Variants in GSDME observed in about 807,000 individuals in gnomAD.
The protein encoded by GSDME is gasdermin E.
GSDME carries 44 observed loss-of-function variants against 47.5 expected under a neutral mutation model. The observed-to-expected ratio is 0.93, with a 90% CI of 0.73 to 1.19. The LOEUF (loss-of-function observed/expected upper bound fraction) is 1.19. Ranked by LOEUF, GSDME falls within the 50% of genes most tolerant of loss-of-function variation. GSDME has a pLI of 0.00. For missense variants in GSDME, 663 were observed against 604.2 expected (o/e 1.10, Z -1.02); for synonymous variants, 258 against 252.8 (o/e 1.02, Z -0.20).
intron 3 of GSDME, among the ~76,000 whole-genome samples, chr7:24,719,700 C>A (rs1001371117): frequency 6.6e-6 from 1 of 151,716 alleles, no homozygotes; most frequent in African/African-American, 2.4e-5. Context: ...GGCTGAGGCA[C>A]GAGAATCGCT....
At chr7:24,782,279 A>G in the GSDME span, among the ~76,000 whole-genome samples, 5 of 133,450 alleles carry the variant, frequency 3.7e-5, no homozygotes, top group Non-Finnish European at 1.5e-5. Context: ...AAGTGTTCTC[A>G]TTGTTCAATT....
At chr7:24,706,041 T>C in intron 8 of GSDME, 143 bp downstream of exon 8, 1 of 1,063,006 alleles carries the variant, frequency 9.4e-7, no homozygotes, top group Non-Finnish European at 1.4e-6. Flanking sequence ...CTCCCACCTC[T>C]TACCCTCCCT....
chr7:24,731,596 G>A (rs1790147503), intron 3 of GSDME, among the ~76,000 whole-genome samples: 1 of 152,258 alleles, frequency 6.6e-6, no homozygotes, highest in South Asian at 2.1e-4. Context: ...GGGAGCTCTG[G>A]CGCTTGCCAG....
At chr7:24,789,230 G>C in the GSDME span, among the ~76,000 whole-genome samples, 11 of 152,146 alleles carry the variant, frequency 7.2e-5, no homozygotes, top group Non-Finnish European at 1.0e-4. Context: ...ATGTTGGTTT[G>C]AGTAGTAAGC....
At position 24,717,306 on chromosome 7, in the gene GSDME, G is replaced by A. The variant is rs752176384; in HGVS notation, c.645C>T (p.Thr215=). 2 of 1,614,134 alleles carry A rather than the reference G, an allele frequency of 1.2e-6. No individual in the cohort carries two copies. Among genetic ancestry groups the A allele is most frequent in the South Asian group, 1.1e-5 (1 of 91,080 alleles). ...ACTCAATGACACCGTAGGCAATGGT[G>A]GTGGCAGCTGGGATCTCCAGCACCA... The part of the protein sequence containing the change: ...SNVVLEIPAA[T]TIAYGVIELY... Residue 215 remains threonine (T), a synonymous_variant, in exon 5 of 10, where the codon ACC becomes ACT. Transcript: ENST00000645220.
chr7:24,737,216 G>GT (rs1341098611), intron 3 of GSDME, among the ~76,000 whole-genome samples: 1 of 151,796 alleles, frequency 6.6e-6, no homozygotes, highest in East Asian at 1.9e-4. Context: ...ACAAAAGTTT[G>GT]TTTTTTTAAA....
At chr7:24,717,419 C>T (rs567122222) in intron 4 of GSDME, 45 bp from the exon 5 acceptor site, 11 of 1,613,722 alleles carry the variant, frequency 6.8e-6, no homozygotes, top group Non-Finnish European at 9.3e-6. Context: ...TCGGGCTCTC[C>T]AAGCTGCTCT....
At chr7:24,775,490 C>A in the GSDME span, among the ~76,000 whole-genome samples, 10 of 152,318 alleles carry the variant, frequency 6.6e-5, no homozygotes, top group African/African-American at 1.9e-4. Context: ...TTTGATGATC[C>A]TTCAAGCTTG....
intron 2 of GSDME, among the ~76,000 whole-genome samples, chr7:24,746,150 C>A (rs1187320408): frequency 1.3e-5 from 2 of 152,204 alleles, no homozygotes; most frequent in African/African-American, 4.8e-5. Flanking sequence ...CATTCAATCA[C>A]CTTTGAAATT....
At chr7:24,786,085 A>G in the GSDME span, among the ~76,000 whole-genome samples, 1 of 152,292 alleles carries the variant, frequency 6.6e-6, no homozygotes, top group Middle Eastern at 3.4e-3. This position sits in a 1 kb window ranked among gnomAD's most constrained non-coding sequence, Gnocchi z 5.5. Context: ...GACCATTTCT[A>G]CTTATTCTGG....
In GSDME at chr7:24,718,117, T is replaced by TGGCAGGAGCACCAGCAGGGCC. The variant is rs1415293658; in HGVS notation, c.577-764_577-744dup. 2.0e-5 allele frequency among the ~76,000 whole-genome samples: 3 copies of TGGCAGGAGCACCAGCAGGGCC among 152,392 alleles called. No individual in the cohort carries two copies. The East Asian group carries it at 5.8e-4, about 29-fold the overall frequency. Reference sequence around the variant, plus strand: ...TCAACACTTTGGCAGGAAGTGACTGTGGCAGGAGCACCAGCAGGGCCGGCC... The same window carrying TGGCAGGAGCACCAGCAGGGCC: ...TCAACACTTTGGCAGGAAGTGACTGTGGCAGGAGCACCAGCAGGGCCGGCAGGAGCACCAGCAGGGCCGGCC... On this transcript the variant is annotated intron_variant, in intron 4 of 9. Transcript: ENST00000645220.
chr7:24,737,307 A>G (rs1790341012), intron 3 of GSDME, among the ~76,000 whole-genome samples: 1 of 152,008 alleles, frequency 6.6e-6, no homozygotes, highest in Non-Finnish European at 1.5e-5. Flanking sequence ...GAAATGAGAA[A>G]AGAGACATTA....
rs1241064899 is a variant in GSDME, at chr7:24,716,619, TC to T, written c.697+634del. 1 of 156,862 alleles carries T rather than the reference TC, an allele frequency of 6.4e-6. No homozygotes were observed. Among genetic ancestry groups the T allele is most frequent in the Non-Finnish European group, 1.4e-5 (1 of 70,736 alleles). The allele number at this position is 156,862 out of a possible 1,614,324, so 9.7% of individuals were successfully genotyped here. A position where few individuals can be genotyped will look rare whatever the true frequency, so the allele number is the denominator to read the frequency against. ...CGCTGAACCAAAGCTTGGATTTTCT[TC>T]CGTGACAACAGCTGGGTCTCTGCGC... On this transcript the variant is annotated intron_variant, in intron 5 of 9. Transcript: ENST00000645220. This position sits in a 1 kb window ranked among gnomAD's most constrained non-coding sequence, Gnocchi z 4.5.
intron 1 of GSDME, among the ~76,000 whole-genome samples, chr7:24,751,955 A>T (rs766694519): frequency 1.3e-5 from 2 of 152,236 alleles, no homozygotes; most frequent in Non-Finnish European, 2.9e-5. Context: ...GAACCAAGAA[A>T]AAGGCATCTA....
chr7:24,743,286 T>C (rs926381767), intron 3 of GSDME, among the ~76,000 whole-genome samples: 1 of 152,220 alleles, frequency 6.6e-6, no homozygotes, highest in African/African-American at 2.4e-5. Flanking sequence ...ATCTTTAAAA[T>C]GTTGCAAAAG....
upstream of GSDME, among the ~76,000 whole-genome samples, chr7:24,760,338 T>C (rs936998000): frequency 6.6e-6 from 1 of 152,218 alleles, no homozygotes; most frequent in African/African-American, 2.4e-5. This position sits in a 1 kb window ranked among gnomAD's most constrained non-coding sequence, Gnocchi z 4.2. Context: ...TCCTAGTTCC[T>C]TGAGAACCAC....
the GSDME span, among the ~76,000 whole-genome samples, chr7:24,782,130 A>G: frequency 6.7e-6 from 1 of 149,040 alleles, no homozygotes; most frequent in Non-Finnish European, 1.5e-5. Flanking sequence ...GGTTTGTTAC[A>G]TATGTTTACA....
At chr7:24,740,533 C>G (rs1160416478) in intron 3 of GSDME, among the ~76,000 whole-genome samples, 1 of 151,674 alleles carries the variant, frequency 6.6e-6, no homozygotes, top group Non-Finnish European at 1.5e-5. Flanking sequence ...TGATGGATAC[C>G]TCATTTTACA....
At chr7:24,771,526 T>C in the GSDME span, among the ~76,000 whole-genome samples, 1 of 152,346 alleles carries the variant, frequency 6.6e-6, no homozygotes, top group South Asian at 2.1e-4. This position sits in a 1 kb window ranked among gnomAD's most constrained non-coding sequence, Gnocchi z 4.1. Context: ...GTAGAAGGAA[T>C]GTAACCAGGC....
Sources: allele counts gnomAD v4.1 joint callset (sites outside exome capture counted in the v4.1 genomes callset), GRCh38; gene constraint gnomAD v4.1.1; non-coding constraint Gnocchi (gnomAD v3.1); transcripts MANE v1.5; gene names NCBI Gene and HGNC (gene_info 2026-07-23, HGNC 2026-07-21).